The following IDNK variants were observed in gnomAD, a reference collection of about 807,000 sequenced individuals.
The protein encoded by IDNK is IDNK gluconokinase.
IDNK carries 9 observed loss-of-function variants against 13.0 expected under a neutral mutation model. The observed-to-expected ratio is 0.69, with a 90% CI of 0.42 to 1.21. The LOEUF (loss-of-function observed/expected upper bound fraction) is 1.21. Among genes scored for constraint, IDNK ranks in the 50% most tolerant of loss-of-function variants. The probability of loss-of-function intolerance (pLI) is 0.00; values close to 1 mark genes in which losing one functional copy is unlikely to be tolerated. For missense variants in IDNK, 210 were observed against 237.8 expected, an observed-to-expected ratio of 0.88 and a Z score of 0.77; for synonymous variants, 92 against 94.9, an observed-to-expected ratio of 0.97 and a Z score of 0.18.
rs752406048 is a variant in IDNK, at chr9:83,623,186, C to A, written c.15C>A (p.Gly5=). 93 of 1,412,782 alleles carry A rather than the reference C, an allele frequency of 6.6e-5. No individual in the cohort carries two copies. In the African/African-American group the frequency reaches 1.2e-3, roughly 18 times the overall value. The allele number at this position is 1,412,782 out of a possible 1,614,324, so 87.5% of individuals were successfully genotyped here. MAAP[G]ALLVMGVSGS... ...GAGCTTGGGTTATGGCGGCGCCGGG[C>A]GCGCTGCTGGTGATGGGCGTGAGCG... Residue 5 remains glycine, a synonymous_variant, in exon 1 of 5, where the codon GGC becomes GGA. Coordinates refer to ENST00000376419, the MANE Select transcript of IDNK (RefSeq NM_001001551.4).
Position 83,643,812 on chromosome 9 carries a change from C to T in IDNK, c.*32C>T. The T allele has an allele frequency of 6.7e-7, 1 of 1,495,696 alleles. No individual in the cohort carries two copies. Among genetic ancestry groups the T allele is most frequent in the Non-Finnish European group, 9.2e-7 (1 of 1,086,328 alleles). The allele number at this position is 1,495,696 out of a possible 1,614,324, so 92.7% of individuals were successfully genotyped here. The stretch of plus-strand genomic sequence containing the variant: ...TTTTGTATCAGTGGTCCAAACAGAA[C>T]TAAGCATAAATCATTGTGCCATCCC... On this transcript the variant is annotated 3_prime_UTR_variant, in exon 5 of 5. Transcript: ENST00000376419.
intron 1 of IDNK, 83 bp downstream of exon 1, chr9:83,623,304 T>C: frequency 4.0e-6 from 5 of 1,236,362 alleles, no homozygotes; most frequent in Non-Finnish European, 4.3e-6. Flanking sequence ...TCCCTGCCGG[T>C]GGACTGGGGT....
At chr9:83,628,133 C>T in intron 1 of IDNK, 48 bp from the exon 2 acceptor site, 5 of 1,550,216 alleles carry the variant, frequency 3.2e-6, no homozygotes, top group Non-Finnish European at 4.4e-6. Flanking sequence ...AAGGAAGCTC[C>T]ACACATTGGG....
chr9:83,637,572 G>GA (rs1197668674), intron 3 of IDNK, among the ~76,000 whole-genome samples: 2 of 152,182 alleles, frequency 1.3e-5, no homozygotes, highest in Non-Finnish European at 2.9e-5. Context: ...AAGATCAAAG[G>GA]AAAATAAAAA....
At chr9:83,626,612 T>C (rs1257730606) in intron 1 of IDNK, 1 of 826,810 alleles carries the variant, frequency 1.2e-6, no homozygotes, top group Non-Finnish European at 1.8e-6. Flanking sequence ...AGACGGGGTT[T>C]TGCCATGTTG....
chr9:83,640,070 G>A (rs1831261993), intron 3 of IDNK, among the ~76,000 whole-genome samples: 1 of 152,096 alleles, frequency 6.6e-6, no homozygotes, highest in Non-Finnish European at 1.5e-5. Context: ...CTGTCTAAGT[G>A]TGGTCTCTTC....
chr9:83,641,264 G>C (rs995386181), intron 3 of IDNK, among the ~76,000 whole-genome samples: 1 of 152,184 alleles, frequency 6.6e-6, no homozygotes, highest in Non-Finnish European at 1.5e-5. Context: ...AAACGTATCA[G>C]AACCAGGGAG....
chr9:83,633,066 G>A (rs1440997432), intron 3 of IDNK, among the ~76,000 whole-genome samples: 4 of 152,282 alleles, frequency 2.6e-5, no homozygotes, highest in East Asian at 3.9e-4. Context: ...TCCTCCAGGC[G>A]CAGTGGCTCA....
intron 1 of IDNK, 193 bp downstream of exon 1, chr9:83,623,414 C>A (rs373239324): frequency 1.7e-6 from 1 of 592,974 alleles, no homozygotes. Flanking sequence ...GGGCGCCCAT[C>A]CTGGGACCGC....
chr9:83,638,676 T>C (rs939372342), intron 3 of IDNK, among the ~76,000 whole-genome samples: 1 of 152,132 alleles, frequency 6.6e-6, no homozygotes, highest in East Asian at 1.9e-4. Context: ...TTCTAAAGGA[T>C]TGACTAATAC....
rs534662239 is a variant in IDNK, at chr9:83,629,821, C to T, written c.168+862C>T. On this transcript the variant is annotated intron_variant, in intron 3 of 4. Coordinates refer to ENST00000376419, the MANE Select transcript of IDNK (RefSeq NM_001001551.4). ...TGTTTCTGTTAACCATTGTACCCCC[C>T]AGGCCTGACACACAGTAAACATCAG... Among the ~76,000 whole-genome samples, 24 of 152,352 alleles carry T rather than the reference C, an allele frequency of 1.6e-4. No homozygotes were observed. The South Asian group carries it at 3.9e-3, about 25-fold the overall frequency.
chr9:83,643,595 T>A lies in IDNK; in HGVS notation c.379T>A (p.Ser127Thr). ...MQLLVVHLSG[S>T]FEVISGRLLK... ...GCTCCTGGTGGTCCATCTGAGCGGG[T>A]CGTTTGAGGTCATCTCTGGACGCTT... Residue 127 changes from serine (S) to threonine (T), a missense_variant, in exon 5 of 5, where the codon TCG becomes ACG. Transcript: ENST00000376419. The A allele has an allele frequency of 1.9e-6, 3 of 1,613,688 alleles. No homozygotes were observed. Among genetic ancestry groups the A allele is most frequent in the Non-Finnish European group, 2.5e-6 (3 of 1,179,936 alleles).
At position 83,643,867 on chromosome 9, in the gene IDNK, T is replaced by A. The variant is rs1831386608; in HGVS notation, c.*87T>A. On this transcript the variant is annotated 3_prime_UTR_variant, in exon 5 of 5. Transcript: ENST00000376419. Reference sequence around the variant, plus strand: ...CTCGTTCCAGCCGCCTTGCCCATACTAGATTCTAAATGTTTCTAAAGGCAA... The same window carrying A: ...CTCGTTCCAGCCGCCTTGCCCATACAAGATTCTAAATGTTTCTAAAGGCAA... The A allele has an allele frequency of 1.0e-6, 1 of 966,164 alleles. No individual in the cohort carries two copies. 59.8% of individuals were successfully genotyped at this position (966,164 alleles called of 1,614,324 possible). A position where few individuals can be genotyped will look rare whatever the true frequency, so the allele number is the denominator to read the frequency against.
intron 2 of IDNK, among the ~76,000 whole-genome samples, chr9:83,628,576 C>T (rs11794438): frequency 0.01 from 1,583 of 151,154 alleles, 19 homozygotes; most frequent in Non-Finnish European, 0.016. Flanking sequence ...CACTTGAACC[C>T]GGGAGGTGGA....
At chr9:83,623,401 G>A in intron 1 of IDNK, 180 bp downstream of exon 1, 2 of 632,114 alleles carry the variant, frequency 3.2e-6, no homozygotes, top group East Asian at 3.5e-5. Flanking sequence ...CAGCCTGCTC[G>A]CGGGGCGCCC....
Position 83,643,467 on chromosome 9 carries a change from C to G in IDNK, c.251C>G (p.Ser84Ter). 6.2e-7 allele frequency: 1 copy of G among 1,613,488 alleles called. No individual in the cohort carries two copies. The highest frequency in any genetic ancestry group is 8.5e-7 in the Non-Finnish European group (1 of 1,179,844). The change falls in exon 5 of 5, where the codon TCA becomes TGA. Residue 84 changes from serine to a stop codon, truncating the protein, a stop_gained. Coordinates refer to ENST00000376419, the MANE Select transcript of IDNK (RefSeq NM_001001551.4). LOFTEE classifies it low-confidence loss of function (END_TRUNC). ...ASGQRVVLAC[S>*]ALKKTYRDIL... The stretch of plus-strand genomic sequence containing the variant: ...GGACAGCGTGTGGTTCTAGCCTGTT[C>G]AGCCCTGAAGAAAACGTACAGAGAC...
chr9:83,640,763 T>C (rs879792309), intron 3 of IDNK, among the ~76,000 whole-genome samples: 20 of 152,224 alleles, frequency 1.3e-4, no homozygotes, highest in Non-Finnish European at 2.5e-4. Flanking sequence ...GAGAATCGCT[T>C]GAACCCAGAA....
Position 83,628,182 on chromosome 9 carries a change from T to C in IDNK, c.52T>C (p.Ser18Pro). Residue 18 changes from serine to proline, a missense_variant and splice_region_variant, in exon 2 of 5, where the codon TCC (serine) becomes CCC (proline). Ser to Pro is a moderately conservative substitution (Grantham distance 74). Transcript: ENST00000376419. ...GGAACATCTGTGTCCTCTCCACAGA[T>C]CCACCGTGGGCGCCCTGCTGGCATC... ...LVMGVSGSGK[S>P]TVGALLASEL... 1 of 1,550,588 alleles carries C rather than the reference T, an allele frequency of 6.4e-7. No individual in the cohort carries two copies. The highest frequency in any genetic ancestry group is 8.7e-7 in the Non-Finnish European group (1 of 1,146,988).
chr9:83,626,509 T>C (rs981609608), intron 1 of IDNK: 2 of 405,862 alleles, frequency 4.9e-6, no homozygotes, highest in Admixed American at 5.2e-5. Context: ...CTCTGCCTCC[T>C]GAGTTCAAGC....
Sources: gnomAD v4.1 joint callset for allele counts (sites outside exome capture counted in the v4.1 genomes callset) on GRCh38, gnomAD v4.1.1 for gene constraint, MANE v1.5 for transcripts, NCBI Gene and HGNC (gene_info 2026-07-23, HGNC 2026-07-21) for gene names.